Variants in SMG9 observed in about 807,000 individuals in gnomAD.
The protein encoded by SMG9 is SMG9 nonsense mediated mRNA decay factor, also known as nonsense-mediated mRNA decay factor SMG9.
A neutral mutation model predicts 64.0 loss-of-function variants in SMG9; 55 were observed. The observed-to-expected ratio is 0.86, with a 90% confidence interval of 0.69 to 1.08. The LOEUF (loss-of-function observed/expected upper bound fraction) is 1.08. SMG9 is among the 50% of genes least tolerant of loss of function. SMG9 has a pLI of 0.00. For synonymous variants in SMG9, 244 were observed against 254.8 expected (o/e 0.96, Z 0.41); for missense variants, 554 against 681.3 (o/e 0.81, Z 2.08).
chr19:43,734,736 T>G, intron 9 of SMG9: 1 of 415,860 alleles, frequency 2.4e-6, no homozygotes, highest in Non-Finnish European at 4.3e-6. Context: ...TTAAAGGCTA[T>G]TTTTTAGAGC....
At chr19:43,752,428 T>G (rs1430607613) in intron 1 of SMG9, among the ~76,000 whole-genome samples, 1 of 152,250 alleles carries the variant, frequency 6.6e-6, no homozygotes, top group Non-Finnish European at 1.5e-5. Flanking sequence ...AAGTGTGGCC[T>G]AGGGGCCAAA....
intron 9 of SMG9, 131 bp downstream of exon 9, chr19:43,737,466 G>T: frequency 1.4e-6 from 1 of 714,000 alleles, no homozygotes; most frequent in Non-Finnish European, 2.3e-6. Context: ...TTAGATGGGA[G>T]TGATTTGCTC....
intron 7 of SMG9, 37 bp downstream of exon 7, chr19:43,740,070 T>C (rs746974766): frequency 2.3e-6 from 3 of 1,329,796 alleles, no homozygotes; most frequent in Admixed American, 3.4e-5. Flanking sequence ...CAATGCAGGA[T>C]GTGGCAGGGT....
Position 43,750,724 on chromosome 19 carries a change from G to A in SMG9, c.18C>T (p.His6=). The A allele has an allele frequency of 6.2e-7, 1 of 1,612,968 alleles. No individual in the cohort carries two copies. Among genetic ancestry groups the A allele is most frequent in the Non-Finnish European group, 8.5e-7 (1 of 1,179,468 alleles). Residue 6 remains histidine, a synonymous_variant, in exon 2 of 14, where the codon CAC becomes CAT. Transcript: ENST00000270066. Reference sequence around the variant, plus strand: ...CTATCCCATAGAGTCCAGGCTGACTGTGTCCAGACTCAGACATGGTTACCT... The same window carrying A: ...CTATCCCATAGAGTCCAGGCTGACTATGTCCAGACTCAGACATGGTTACCT... MSESG[H]SQPGLYGIER...
intron 2 of SMG9, 110 bp downstream of exon 2, chr19:43,750,482 T>C (rs529767856): frequency 2.4e-6 from 3 of 1,238,130 alleles, no homozygotes; most frequent in Admixed American, 2.4e-5. Context: ...ATGAGGGTGG[T>C]AGGTTTTGTT....
chr19:43,732,528 A>G (rs1002190021), intron 13 of SMG9: 2 of 322,834 alleles, frequency 6.2e-6, no homozygotes, highest in Non-Finnish European at 1.2e-5. Flanking sequence ...CACTGGTCCT[A>G]CTCCTAGCAA....
chr19:43,733,285 G>T (rs200516292), intron 12 of SMG9, 39 bp downstream of exon 12: 5 of 1,609,808 alleles, frequency 3.1e-6, no homozygotes, highest in African/African-American at 1.3e-5. Context: ...GATCAGGATA[G>T]GACTTGTCTC....
chr19:43,753,879 C>T (rs2146419881), intron 1 of SMG9, among the ~76,000 whole-genome samples: 1 of 150,984 alleles, frequency 6.6e-6, no homozygotes, highest in African/African-American at 2.4e-5. Flanking sequence ...CGTGCCACTG[C>T]ACTCCAGCCT....
chr19:43,732,840 T>A lies in SMG9; in HGVS notation c.1484+18A>T. On this transcript the variant is annotated intron_variant, in intron 13 of 13. Transcript: ENST00000270066. ...GGTGGGGTGCCTCAAATTGACCCCCTCTGCAAAGAGCTCTTACCAGTTCTT... is the reference window on the plus strand; with the variant it reads ...GGTGGGGTGCCTCAAATTGACCCCCACTGCAAAGAGCTCTTACCAGTTCTT... The A allele has an allele frequency of 6.2e-7, 1 of 1,613,326 alleles. No homozygotes were observed. Among genetic ancestry groups the A allele is most frequent in the Admixed American group, 1.7e-5 (1 of 59,968 alleles).
At chr19:43,734,733 C>T in intron 9 of SMG9, 1 of 418,126 alleles carries the variant, frequency 2.4e-6, no homozygotes, top group Non-Finnish European at 4.3e-6. Context: ...TTTTTAAAGG[C>T]TATTTTTTAG....
At chr19:43,744,263 A>G (rs1397484223) in intron 6 of SMG9, among the ~76,000 whole-genome samples, 2 of 151,474 alleles carry the variant, frequency 1.3e-5, no homozygotes, top group Non-Finnish European at 2.9e-5. Flanking sequence ...TACAGAAACC[A>G]CTCTCTGTCT....
intron 1 of SMG9, among the ~76,000 whole-genome samples, chr19:43,753,466 T>TTC (rs1969256364): frequency 6.8e-6 from 1 of 147,888 alleles, no homozygotes; most frequent in Non-Finnish European, 1.5e-5. Flanking sequence ...TTCTTTTTTT[T>TTC]TTTTTTTTTT....
At chr19:43,734,334 T>C (rs1283182324) in intron 10 of SMG9, 55 bp downstream of exon 10, 5 of 1,408,250 alleles carry the variant, frequency 3.6e-6, no homozygotes, top group Non-Finnish European at 4.9e-6. Flanking sequence ...CTCCTGACTT[T>C]CAGCCCCTCA....
At chr19:43,742,528 C>T (rs1210485929) in intron 6 of SMG9, among the ~76,000 whole-genome samples, 3 of 152,146 alleles carry the variant, frequency 2.0e-5, no homozygotes, top group African/African-American at 7.2e-5. Context: ...TCTAACGTGC[C>T]GAATAGTGTG....
intron 5 of SMG9, among the ~76,000 whole-genome samples, chr19:43,745,703 C>G (rs1968978630): frequency 6.6e-6 from 1 of 152,144 alleles, no homozygotes; most frequent in Admixed American, 6.5e-5. Flanking sequence ...TCCGTCTCTA[C>G]CAAAAATACA....
chr19:43,746,434 T>C (rs1969007580), intron 5 of SMG9, among the ~76,000 whole-genome samples: 1 of 152,200 alleles, frequency 6.6e-6, no homozygotes, highest in African/African-American at 2.4e-5. Context: ...GCAGAAAGTT[T>C]TCCTTAATAG....
chr19:43,731,735 C>G, intron 13 of SMG9, 61 bp from the exon 14 acceptor site: 1 of 1,606,462 alleles, frequency 6.2e-7, no homozygotes, highest in Non-Finnish European at 8.5e-7. Flanking sequence ...CAGCACCAAC[C>G]CGGGACAGGT....
chr19:43,734,600 C>A, intron 9 of SMG9, 105 bp from the exon 10 acceptor site: 2 of 721,866 alleles, frequency 2.8e-6, no homozygotes, highest in Non-Finnish European at 4.7e-6. Flanking sequence ...TACAGCCATG[C>A]TCAGAAAAAT....
intron 7 of SMG9, among the ~76,000 whole-genome samples, chr19:43,738,515 T>A (rs1211670974): frequency 6.6e-6 from 1 of 151,842 alleles, no homozygotes; most frequent in African/African-American, 2.4e-5. Context: ...CATTTTGTTG[T>A]CAGTTGTTTC....
Sources: allele counts gnomAD v4.1 joint callset (sites outside exome capture counted in the v4.1 genomes callset), GRCh38; gene constraint gnomAD v4.1.1; transcripts MANE v1.5; gene names NCBI Gene and HGNC (gene_info 2026-07-23, HGNC 2026-07-21).